Variants in NFRKB observed in about 807,000 individuals in gnomAD.
NFRKB encodes the protein nuclear factor related to kappa-B-binding protein.
NFRKB carries 62 observed loss-of-function variants against 135.7 expected under a neutral mutation model. That is an observed-to-expected ratio of 0.46 (90% CI 0.37 to 0.56). The LOEUF is 0.56. Ranked by LOEUF, NFRKB falls within the 20% of genes least tolerant of loss-of-function variation. NFRKB has a pLI of 0.00. For synonymous variants in NFRKB, 678 were observed against 635.6 expected (o/e 1.07, Z -1.00); for missense variants, 1,545 against 1,662.0 (o/e 0.93, Z 1.22).
chr11:129,882,404 C>G, intron 10 of NFRKB, 47 bp downstream of exon 10: 1 of 1,599,196 alleles, frequency 6.3e-7, no homozygotes, highest in Non-Finnish European at 8.5e-7. Context: ...CAGCCTATGG[C>G]TTACCCATTC....
chr11:129,874,978 ACTCTAGG>A lies in NFRKB; in HGVS notation c.1855-69_1855-63del. 11 of 1,595,004 alleles carry A rather than the reference ACTCTAGG, an allele frequency of 6.9e-6. No homozygotes were observed. The Admixed American group carries it at 1.8e-4, about 27-fold the overall frequency. ...AGCTTAGATAACAGAAGTTATTTGA[ACTCTAGG>A]AAAAAAATGTCATTGTATCTAAATC... On this transcript the variant is annotated intron_variant, in intron 18 of 26. Transcript: ENST00000682444. The surrounding 1 kb of genome is among the most constrained non-coding windows in gnomAD (Gnocchi z 4.5).
intron 7 of NFRKB, 64 bp from the exon 8 acceptor site, chr11:129,884,207 T>TC: frequency 1.4e-6 from 2 of 1,457,994 alleles, no homozygotes; most frequent in Non-Finnish European, 9.2e-7. Context: ...TTCTGGTCAC[T>TC]TTCAAAAGTA....
At chr11:129,891,643 T>G (rs1949564310) in intron 3 of NFRKB, among the ~76,000 whole-genome samples, 1 of 152,184 alleles carries the variant, frequency 6.6e-6, no homozygotes, top group Non-Finnish European at 1.5e-5. Context: ...TGCAGTGGCC[T>G]CCATGGTACT....
At chr11:129,870,325 T>C (rs2135639094) in intron 23 of NFRKB, 64 bp from the exon 24 acceptor site, 5 of 1,511,372 alleles carry the variant, frequency 3.3e-6, no homozygotes, top group Admixed American at 2.1e-5. Context: ...AAAATACAAC[T>C]AGACAAACTT....
At chr11:129,866,927 C>G (rs547854522) in intron 24 of NFRKB, among the ~76,000 whole-genome samples, 1 of 152,202 alleles carries the variant, frequency 6.6e-6, no homozygotes, top group Non-Finnish European at 1.5e-5. Context: ...CCATGGGGTT[C>G]ACCCACAGCC....
chr11:129,884,869 T>C (rs1565417392), intron 6 of NFRKB, 23 bp from the exon 7 acceptor site: 1 of 1,614,128 alleles, frequency 6.2e-7, no homozygotes, highest in Non-Finnish European at 8.5e-7. Flanking sequence ...ATTGTTCTTG[T>C]AAATCCAACG....
chr11:129,887,864 T>C (rs1288478333), intron 4 of NFRKB, among the ~76,000 whole-genome samples: 4 of 152,166 alleles, frequency 2.6e-5, no homozygotes, highest in African/African-American at 9.6e-5. Flanking sequence ...AGTGAAACCC[T>C]GTCTCTACTA....
chr11:129,868,719 C>G (rs971335225), intron 24 of NFRKB, among the ~76,000 whole-genome samples: 5 of 152,022 alleles, frequency 3.3e-5, no homozygotes, highest in Non-Finnish European at 7.4e-5. Context: ...GAACGACCAT[C>G]AAGACATTTC....
chr11:129,888,740 T>C lies in NFRKB; in HGVS notation c.191A>G (p.Asp64Gly), dbSNP rs1423286917. Reference protein sequence around the residue: ...SLSTWQEVLSDSQREHLQQFL... With the variant: ...SLSTWQEVLSGSQREHLQQFL... The stretch of plus-strand genomic sequence containing the variant: ...CTGCTGGAGGTGTTCACGTTGAGAA[T>C]CACTTAACACTTCCTGCCATGTTGA... The change falls in exon 4 of 27, where the codon GAT becomes GGT. Residue 64 changes from aspartate to glycine, a missense_variant. By Grantham distance (94) the Asp-to-Gly change is moderately conservative. Around this residue, in one of 3 missense-constraint regions of NFRKB, gnomAD observed 678 missense variants for 646.7 expected, o/e 1.05. Coordinates refer to ENST00000682444, the MANE Select transcript of NFRKB (RefSeq NM_001143835.2). The C allele has an allele frequency of 6.2e-7, 1 of 1,614,124 alleles. No individual in the cohort carries two copies. Among genetic ancestry groups the C allele is most frequent in the African/African-American group, 1.3e-5 (1 of 75,014 alleles).
At position 129,864,373 on chromosome 11, in the gene NFRKB, G is replaced by A; in HGVS notation, c.*352C>T. On this transcript the variant is annotated 3_prime_UTR_variant, in exon 27 of 27. Coordinates refer to ENST00000682444, the MANE Select transcript of NFRKB (RefSeq NM_001143835.2). ...AGCCAAAAAATACAATCCTCATGGAGAACCAGCCTATTCGCTGTGTGCACT... is the reference window on the plus strand; with the variant it reads ...AGCCAAAAAATACAATCCTCATGGAAAACCAGCCTATTCGCTGTGTGCACT... 4.6e-6 allele frequency: 1 copy of A among 216,872 alleles called. No individual in the cohort carries two copies. Among genetic ancestry groups the A allele is most frequent in the Non-Finnish European group, 9.3e-6 (1 of 107,520 alleles). The allele number at this position is 216,872 out of a possible 1,614,324, so 13.4% of individuals were successfully genotyped here.
intron 4 of NFRKB, chr11:129,888,191 A>G (rs982609562): frequency 6.0e-6 from 3 of 503,408 alleles, no homozygotes; most frequent in Non-Finnish European, 1.1e-5. Context: ...GAAGTGTCAT[A>G]TTTTCTGCAG....
chr11:129,890,633 G>A (rs1482101471), intron 3 of NFRKB, among the ~76,000 whole-genome samples: 1 of 152,220 alleles, frequency 6.6e-6, no homozygotes, highest in Admixed American at 6.5e-5. Context: ...ACACCTGTAT[G>A]TTCAAAATAT....
intron 4 of NFRKB, chr11:129,888,284 T>A (rs1320310972): frequency 3.4e-6 from 2 of 592,086 alleles, no homozygotes; most frequent in Admixed American, 3.1e-5. Flanking sequence ...CTTTTTAAAA[T>A]TTTTTAAAGA....
intron 13 of NFRKB, among the ~76,000 whole-genome samples, chr11:129,879,184 T>C (rs1171513413): frequency 1.3e-5 from 2 of 152,238 alleles, no homozygotes; most frequent in Non-Finnish European, 2.9e-5. Context: ...CAGGTCTGCT[T>C]ATGTGATGAA....
At position 129,869,681 on chromosome 11, in the gene NFRKB, G is replaced by A. The variant is rs770278089; in HGVS notation, c.3344C>T (p.Ala1115Val). The A allele has an allele frequency of 3.7e-6, 6 of 1,614,122 alleles. No individual in the cohort carries two copies. The highest frequency in any genetic ancestry group is 5.1e-6 in the Non-Finnish European group (6 of 1,180,056). Reference sequence around the variant, plus strand: ...AGTTCCAGACCCACTGGCCACCGAGGCCCCTTGCTTGGCGTGGGTTGCAAC... The same window carrying A: ...AGTTCCAGACCCACTGGCCACCGAGACCCCTTGCTTGGCGTGGGTTGCAAC... ...ITVATHAKQG[A>V]SVASGSGTVH... The change falls in exon 24 of 27, where the codon GCC (alanine) becomes GTC (valine). Residue 1115 changes from alanine to valine, a missense_variant. Physicochemically the swap from Ala to Val is moderately conservative, Grantham distance 64 (BLOSUM62 0). This residue lies in a region of NFRKB where 753 missense variants were observed against 804.3 expected (regional missense o/e 0.94). Coordinates refer to ENST00000682444, the MANE Select transcript of NFRKB (RefSeq NM_001143835.2).
intron 5 of NFRKB, among the ~76,000 whole-genome samples, 192 bp downstream of exon 5, chr11:129,886,125 T>G (rs559520945): frequency 8.9e-4 from 135 of 152,366 alleles, no homozygotes; most frequent in African/African-American, 3.2e-3. Context: ...ATTTTATGTT[T>G]TAACATCTCT....
intron 2 of NFRKB, chr11:129,893,393 A>G (rs1470982714): frequency 2.7e-6 from 1 of 369,754 alleles, no homozygotes; most frequent in Admixed American, 3.6e-5. Context: ...TCTCTACAAA[A>G]AAAAAAAAAA....
rs553252028 is a variant in NFRKB at position 129,864,660 on chromosome 11, C to T, written c.*65G>A. ...AAGCTTAAAACAATGATGCAACCTC[C>T]CTGGTCCCTTCTCAGCCAGGACAGA... On this transcript the variant is annotated 3_prime_UTR_variant, in exon 27 of 27. Coordinates refer to ENST00000682444, the MANE Select transcript of NFRKB (RefSeq NM_001143835.2). 12 of 1,608,474 alleles carry T rather than the reference C, an allele frequency of 7.5e-6. No homozygotes were observed. The South Asian group carries it at 1.1e-4, about 15-fold the overall frequency.
At chr11:129,877,516 G>A in intron 15 of NFRKB, 131 bp from the exon 16 acceptor site, 1 of 828,490 alleles carries the variant, frequency 1.2e-6, no homozygotes, top group African/African-American at 1.7e-5. Flanking sequence ...TCTTACAAAG[G>A]CGAAGAGCCC....
Sources: allele counts gnomAD v4.1 joint callset (sites outside exome capture counted in the v4.1 genomes callset), GRCh38; gene constraint gnomAD v4.1.1; regional missense constraint gnomAD v4.1.1; non-coding constraint Gnocchi (gnomAD v3.1); transcripts MANE v1.5; gene names NCBI Gene and HGNC (gene_info 2026-07-23, HGNC 2026-07-21).